The following PPARG variants were observed in gnomAD, a reference collection of about 807,000 sequenced individuals.
PPARG encodes peroxisome proliferator-activated receptor gamma.
Under a neutral mutation model 39.2 loss-of-function variants are expected in PPARG, and 17 were observed. The ratio of observed to expected loss-of-function variants is 0.43; its 90% CI spans 0.30 to 0.65. The LOEUF is 0.65. Ranked by LOEUF, PPARG falls within the 30% of genes least tolerant of loss-of-function variation. The pLI is 0.13. For missense variants in PPARG, 406 were observed against 585.9 expected (o/e 0.69, Z 3.17); for synonymous variants, 223 against 215.7 (o/e 1.03, Z -0.30).
intron 7 of PPARG, among the ~76,000 whole-genome samples, chr3:12,422,905 GA>G (rs1222620009): frequency 6.6e-6 from 1 of 150,684 alleles, no homozygotes; most frequent in African/African-American, 2.5e-5. Context: ...AAAAGAAAAA[GA>G]AAAAAGAATC....
intron 2 of PPARG, among the ~76,000 whole-genome samples, chr3:12,376,688 G>T (rs2049425817): frequency 6.6e-6 from 1 of 152,126 alleles, no homozygotes; most frequent in South Asian, 2.1e-4. Context: ...GATGTACCGG[G>T]CACATGGGAA....
At chr3:12,391,058 A>G (rs1441856122) in intron 4 of PPARG, among the ~76,000 whole-genome samples, 3 of 152,170 alleles carry the variant, frequency 2.0e-5, no homozygotes, top group African/African-American at 4.8e-5. Flanking sequence ...GGGAATCACA[A>G]ACTACCAGAG....
chr3:12,415,441 A>T (rs992865339), intron 6 of PPARG, among the ~76,000 whole-genome samples: 4 of 152,218 alleles, frequency 2.6e-5, no homozygotes, highest in African/African-American at 9.7e-5. Flanking sequence ...TTAACTCCTT[A>T]TGTGTCATTC....
chr3:12,349,116 G>C (rs2048409000), intron 2 of PPARG, among the ~76,000 whole-genome samples: 1 of 152,128 alleles, frequency 6.6e-6, no homozygotes, highest in Admixed American at 6.6e-5. Context: ...ACTCTTTTAA[G>C]TATATTTGGA....
At chr3:12,337,386 A>T (rs2048042917) in intron 2 of PPARG, among the ~76,000 whole-genome samples, 1 of 152,204 alleles carries the variant, frequency 6.6e-6, no homozygotes, top group South Asian at 2.1e-4. Context: ...GGAACAAAAA[A>T]GTGGGAGGAC....
chr3:12,312,743 TTAAG>T (rs35763971), intron 2 of PPARG, among the ~76,000 whole-genome samples: 38,110 of 151,914 alleles, frequency 0.25, 4,843 homozygotes, highest in East Asian at 0.32. Context: ...ATTTTTCTAC[TTAAG>T]TAATAATTAC....
chr3:12,398,890 A>C (rs1340845932), intron 5 of PPARG, among the ~76,000 whole-genome samples: 5 of 152,256 alleles, frequency 3.3e-5, no homozygotes, highest in Non-Finnish European at 7.3e-5. Flanking sequence ...AGTGAATAGA[A>C]AGTGACAAAC....
chr3:12,325,549 C>T (rs559222149), intron 2 of PPARG, among the ~76,000 whole-genome samples: 59 of 151,812 alleles, frequency 3.9e-4, no homozygotes, highest in Non-Finnish European at 6.5e-4. Context: ...TGCAGTGAGC[C>T]GAGATTGCAC....
chr3:12,385,548 T>A (rs2049840781), intron 4 of PPARG, among the ~76,000 whole-genome samples: 1 of 152,194 alleles, frequency 6.6e-6, no homozygotes, highest in African/African-American at 2.4e-5. Flanking sequence ...GTTGGAGATA[T>A]ATTTTTTTCT....
intron 7 of PPARG, among the ~76,000 whole-genome samples, chr3:12,433,309 G>C (rs541869472): frequency 6.6e-6 from 1 of 152,070 alleles, no homozygotes; most frequent in East Asian, 1.9e-4. Context: ...AGGCCAAGGC[G>C]GGTGGATCAC....
At chr3:12,302,630 T>C (rs1350227490) in intron 1 of PPARG, among the ~76,000 whole-genome samples, 1 of 152,016 alleles carries the variant, frequency 6.6e-6, no homozygotes, top group Non-Finnish European at 1.5e-5. Context: ...TAAGGGAAGG[T>C]TTGCAGAGAT....
At chr3:12,367,682 C>G (rs535765211) in intron 2 of PPARG, among the ~76,000 whole-genome samples, 1 of 145,656 alleles carries the variant, frequency 6.9e-6, no homozygotes, top group East Asian at 2.0e-4. Context: ...TACCTTGCCT[C>G]TACAAAAAAA....
At chr3:12,319,674 C>CTT (rs879608353) in intron 2 of PPARG, among the ~76,000 whole-genome samples, 3 of 143,224 alleles carry the variant, frequency 2.1e-5, no homozygotes, top group African/African-American at 7.7e-5. Flanking sequence ...TCAATTTTTA[C>CTT]TTTTTTTTTT....
intron 2 of PPARG, among the ~76,000 whole-genome samples, chr3:12,378,255 T>C (rs2049490504): frequency 6.6e-6 from 1 of 152,124 alleles, no homozygotes; most frequent in African/African-American, 2.4e-5. Flanking sequence ...GATCTAGCAA[T>C]CCTACTTCTG....
intron 7 of PPARG, among the ~76,000 whole-genome samples, chr3:12,422,494 T>A (rs1365666281): frequency 6.6e-6 from 1 of 152,264 alleles, no homozygotes; most frequent in Non-Finnish European, 1.5e-5. Context: ...TATTGAGATG[T>A]GGAAGCATCT....
chr3:12,340,631 T>G (rs2048156716), intron 2 of PPARG, among the ~76,000 whole-genome samples: 1 of 152,022 alleles, frequency 6.6e-6, no homozygotes, highest in Admixed American at 6.6e-5. Context: ...ACTCCAGGAG[T>G]ATAAAGAATA....
chr3:12,384,259 C>T (rs2049792973), intron 4 of PPARG, among the ~76,000 whole-genome samples: 1 of 151,980 alleles, frequency 6.6e-6, no homozygotes, highest in African/African-American at 2.4e-5. Context: ...TTAATATACT[C>T]AATGAATAAA....
At chr3:12,288,200 G>C (rs2046556457), upstream of PPARG, among the ~76,000 whole-genome samples, 1 of 151,750 alleles carries the variant, frequency 6.6e-6, no homozygotes, top group Non-Finnish European at 1.5e-5. Context: ...TGAGGGGTCC[G>C]GGGCTGAGGC....
At chr3:12,351,091 A>G (rs565072093) in intron 2 of PPARG, among the ~76,000 whole-genome samples, 1 of 152,366 alleles carries the variant, frequency 6.6e-6, no homozygotes, top group African/African-American at 2.4e-5. Context: ...AGATTCAACC[A>G]GGAATAGACA....
Sources: allele counts gnomAD v4.1 joint callset (sites outside exome capture counted in the v4.1 genomes callset), GRCh38; gene constraint gnomAD v4.1.1; transcripts MANE v1.5; gene names NCBI Gene and HGNC (gene_info 2026-07-23, HGNC 2026-07-21).